Variants in DYRK1A observed in about 807,000 individuals in gnomAD.
DYRK1A encodes the protein dual specificity tyrosine-phosphorylation-regulated kinase 1A.
Under a neutral mutation model 79.7 loss-of-function variants are expected in DYRK1A, and 9 were observed. The observed-to-expected ratio is 0.11, with a 90% CI of 0.07 to 0.20. The LOEUF is 0.20. Ranked by LOEUF, DYRK1A falls within the 10% of genes least tolerant of loss-of-function variation. The probability of loss-of-function intolerance (pLI) is 1.00; values close to 1 mark genes in which losing one functional copy is unlikely to be tolerated. For synonymous variants in DYRK1A, 349 were observed against 329.7 expected, an observed-to-expected ratio of 1.06 and a Z score of -0.63; for missense variants, 622 against 956.0, an observed-to-expected ratio of 0.65 and a Z score of 4.61.
At chr21:37,484,329 CTTTT>C (rs35615588) in intron 5 of DYRK1A, among the ~76,000 whole-genome samples, 3 of 134,062 alleles carry the variant, frequency 2.2e-5, no homozygotes, top group Non-Finnish European at 3.2e-5. Context: ...CAATAGGTCC[CTTTT>C]TTTTTTTTTT....
intron 8 of DYRK1A, 55 bp downstream of exon 8, chr21:37,493,218 A>G (rs2053156117): frequency 5.2e-6 from 8 of 1,526,090 alleles, no homozygotes; most frequent in African/African-American, 2.7e-5. Context: ...TTTGTCTTTC[A>G]TCTGTGACAG....
Position 37,516,006 on chromosome 21 carries a change from C to G in DYRK1A, c.*3475C>G, listed in dbSNP as rs565947476. 1 of 152,252 alleles carries G rather than the reference C, an allele frequency of 6.6e-6. No homozygotes were observed. The highest frequency in any genetic ancestry group is 2.4e-5 in the African/African-American group (1 of 41,538). 9.4% of individuals were successfully genotyped at this position (152,252 alleles called of 1,614,324 possible). A position where few individuals can be genotyped will look rare whatever the true frequency, so the allele number is the denominator to read the frequency against. ...GGGAGATACATAATCAAAATACACA[C>G]GAAGACGAGATAGCAGGCACTCAGT... is the stretch of plus-strand genomic sequence containing the variant. On this transcript the variant is annotated 3_prime_UTR_variant, in exon 12 of 12. Transcript: ENST00000647188.
intron 1 of DYRK1A, among the ~76,000 whole-genome samples, chr21:37,369,903 C>G (rs548439794): frequency 4.6e-5 from 7 of 152,258 alleles, no homozygotes; most frequent in African/African-American, 1.7e-4. Flanking sequence ...AAAAATAAGT[C>G]CAGTTTTTTA....
Position 37,519,052 on chromosome 21 carries a change from T to C in DYRK1A, c.*6521T>C, listed in dbSNP as rs1426902423. ...GCAGAAATTGCCAGATGTAAGTATATAAAACTTACACAGTTTGTTCCTTTT... is the reference window on the plus strand; with the variant it reads ...GCAGAAATTGCCAGATGTAAGTATACAAAACTTACACAGTTTGTTCCTTTT... On this transcript the variant is annotated 3_prime_UTR_variant, in exon 12 of 12. Transcript: ENST00000647188. The C allele has an allele frequency of 6.6e-6, 1 of 152,220 alleles. No individual in the cohort carries two copies. Among genetic ancestry groups the C allele is most frequent in the East Asian group, 1.9e-4 (1 of 5,204 alleles). The allele number at this position is 152,220 out of a possible 1,614,324, so 9.4% of individuals were successfully genotyped here.
chr21:37,516,481 CAA>C lies in DYRK1A; in HGVS notation c.*3951_*3952del, dbSNP rs750753321. On this transcript the variant is annotated 3_prime_UTR_variant, in exon 12 of 12. Coordinates refer to ENST00000647188, the MANE Select transcript of DYRK1A (RefSeq NM_001347721.2). ...ACCAAGTAATTTGTAGTACAAAGAA[CAA>C]GAGAAGAAACCCTAAGAAGATAGCT... 4.6e-5 allele frequency: 7 copies of C among 152,122 alleles called. No homozygotes were observed. Among genetic ancestry groups the C allele is most frequent in the South Asian group, 2.1e-4 (1 of 4,820 alleles). 9.4% of individuals were successfully genotyped at this position (152,122 alleles called of 1,614,324 possible).
In DYRK1A at chr21:37,370,139, T is replaced by C. The variant is rs138049602; in HGVS notation, c.-77+2511T>C. Among the ~76,000 whole-genome samples, 1,071 of 152,308 alleles carry C rather than the reference T, an allele frequency of 7.0e-3. 13 individuals carry two copies. The highest frequency in any genetic ancestry group is 0.025 in the African/African-American group (1,029 of 41,562). The stretch of plus-strand genomic sequence containing the variant: ...CAACAATGTATTTAGGTAATTTACA[T>C]TAGGTTTTTAGAGGGCTATGACTAT... On this transcript the variant is annotated intron_variant, in intron 1 of 11. Coordinates refer to ENST00000647188, the MANE Select transcript of DYRK1A (RefSeq NM_001347721.2).
At chr21:37,445,427 A>G (rs576390648) in intron 2 of DYRK1A, among the ~76,000 whole-genome samples, 12 of 152,186 alleles carry the variant, frequency 7.9e-5, no homozygotes, top group Admixed American at 6.5e-4. Context: ...CAAGCATTTC[A>G]TGTTGGTGCG....
intron 2 of DYRK1A, among the ~76,000 whole-genome samples, chr21:37,457,547 A>C (rs917337864): frequency 6.6e-6 from 1 of 152,126 alleles, no homozygotes; most frequent in African/African-American, 2.4e-5. Context: ...TTTTGTGTTT[A>C]ACTTTTAAAG....
chr21:37,430,025 C>T (rs936645544), intron 2 of DYRK1A, among the ~76,000 whole-genome samples: 8 of 152,138 alleles, frequency 5.3e-5, no homozygotes, highest in Non-Finnish European at 1.2e-4. Flanking sequence ...TCTCCCGATC[C>T]TCTTTTAAAG....
intron 4 of DYRK1A, among the ~76,000 whole-genome samples, chr21:37,478,740 C>T (rs2052492954): frequency 6.6e-6 from 1 of 152,150 alleles, no homozygotes; most frequent in African/African-American, 2.4e-5. Flanking sequence ...TAGTTACAGG[C>T]ATTTGGCCTA....
chr21:37,503,188 G>A (rs2053502329), intron 9 of DYRK1A: 1 of 152,158 alleles, frequency 6.6e-6, no homozygotes, highest in African/African-American at 2.4e-5. Flanking sequence ...AAAATCCTCA[G>A]ATACAGTCTT....
intron 1 of DYRK1A, among the ~76,000 whole-genome samples, chr21:37,413,335 A>G (rs2050276846): frequency 6.6e-6 from 1 of 152,184 alleles, no homozygotes; most frequent in Non-Finnish European, 1.5e-5. Flanking sequence ...ACATACGTAT[A>G]AAAGTACATA....
intron 1 of DYRK1A, chr21:37,415,689 A>T (rs1021506987): frequency 5.9e-5 from 9 of 151,762 alleles, no homozygotes; most frequent in African/African-American, 1.7e-4. Context: ...CTGGTCTCCA[A>T]CTCCTGGTCT....
Position 37,406,759 on chromosome 21 carries a change from A to C in DYRK1A, c.-76-13540A>C, listed in dbSNP as rs1041274493. ...TATCTCTATATATCTCTATATATCT[A>C]TATATGTATATATCTCTATATACAT... On this transcript the variant is annotated intron_variant, in intron 1 of 11. Coordinates refer to ENST00000647188, the MANE Select transcript of DYRK1A (RefSeq NM_001347721.2). Among the ~76,000 whole-genome samples, 10 of 133,174 alleles carry C rather than the reference A, an allele frequency of 7.5e-5. No homozygotes were observed. The East Asian group carries it at 2.2e-3, about 29-fold the overall frequency. The allele number at this position is 133,174 out of a possible 152,430, so 87.4% of individuals were successfully genotyped here.
chr21:37,392,759 A>T (rs1031298393), intron 1 of DYRK1A, among the ~76,000 whole-genome samples: 2 of 152,220 alleles, frequency 1.3e-5, no homozygotes, highest in Non-Finnish European at 2.9e-5. Context: ...AACAAAACAC[A>T]GGTTAGGTAG....
intron 5 of DYRK1A, among the ~76,000 whole-genome samples, chr21:37,484,132 G>A (rs546558091): frequency 6.6e-6 from 1 of 152,110 alleles, no homozygotes; most frequent in African/African-American, 2.4e-5. Context: ...CTGTGCATGC[G>A]AGGGATCTAG....
At chr21:37,473,772 T>C (rs2052306258) in intron 3 of DYRK1A, among the ~76,000 whole-genome samples, 1 of 152,200 alleles carries the variant, frequency 6.6e-6, no homozygotes, top group South Asian at 2.1e-4. Context: ...ATGTTTAAAA[T>C]ATACAACATG....
chr21:37,437,481 T>G (rs1331522993), intron 2 of DYRK1A, among the ~76,000 whole-genome samples: 1 of 152,200 alleles, frequency 6.6e-6, no homozygotes, highest in Non-Finnish European at 1.5e-5. Context: ...GTGTTATAAT[T>G]GGCCTACAGT....
chr21:37,405,489 A>T (rs967790853), intron 1 of DYRK1A, among the ~76,000 whole-genome samples: 4 of 152,264 alleles, frequency 2.6e-5, no homozygotes, highest in Non-Finnish European at 5.9e-5. Context: ...TTGACTGCAC[A>T]GCCTTAGTAC....
Sources: allele counts gnomAD v4.1 joint callset (sites outside exome capture counted in the v4.1 genomes callset), GRCh38; gene constraint gnomAD v4.1.1; transcripts MANE v1.5; gene names NCBI Gene and HGNC (gene_info 2026-07-23, HGNC 2026-07-21).